The following GRIN2A variants were observed in gnomAD, a reference collection of about 807,000 sequenced individuals.
GRIN2A encodes the protein glutamate ionotropic receptor NMDA type subunit 2A, also known as glutamate receptor ionotropic, NMDA 2A.
Under a neutral mutation model 113.4 loss-of-function variants are expected in GRIN2A, and 22 were observed. That is an observed-to-expected ratio of 0.19 (90% CI 0.14 to 0.28). The LOEUF (loss-of-function observed/expected upper bound fraction) is 0.28. Ranked by LOEUF, GRIN2A falls within the 10% of genes least tolerant of loss-of-function variation. The pLI, the probability that GRIN2A is intolerant of heterozygous loss-of-function variation, is 1.00. For missense variants in GRIN2A, 1,502 were observed against 1,887.0 expected (o/e 0.80, Z 3.78); for synonymous variants, 827 against 738.4 (o/e 1.12, Z -1.94).
rs189240141 is a variant in GRIN2A at position 9,870,635 on chromosome 16, T to C, written c.1122+20351A>G. Among the ~76,000 whole-genome samples, 489 of 151,106 alleles carry C rather than the reference T, an allele frequency of 3.2e-3. 2 individuals carry two copies. Among genetic ancestry groups the C allele is most frequent in the African/African-American group, 0.011 (459 of 40,858 alleles). ...CTTCAAGTAACTTTTTTTCTTTTTT[T>C]TTTTTTTTTCTTTTTTTGTAGAGAT... is the stretch of plus-strand genomic sequence containing the variant. On this transcript the variant is annotated intron_variant, in intron 4 of 12. Coordinates refer to ENST00000330684, the MANE Select transcript of GRIN2A (RefSeq NM_001134407.3).
At chr16:9,890,855 G>A (rs775512715) in intron 4 of GRIN2A, 131 bp downstream of exon 4, 14 of 693,414 alleles carry the variant, frequency 2.0e-5, no homozygotes, top group African/African-American at 3.5e-5. Flanking sequence ...CAAGAAAGAC[G>A]TGCTCTTGGC....
In GRIN2A at chr16:9,784,716, T is replaced by A. The variant is rs536411167; in HGVS notation, c.2356+13561A>T. On this transcript the variant is annotated intron_variant, in intron 11 of 12. Coordinates refer to ENST00000330684, the MANE Select transcript of GRIN2A (RefSeq NM_001134407.3). The stretch of plus-strand genomic sequence containing the variant: ...TCTGACAAAGGGCTAATATCCAGAA[T>A]CTACAATGAACTCAAACAAATTTAC... Among the ~76,000 whole-genome samples, 45 of 152,144 alleles carry A rather than the reference T, an allele frequency of 3.0e-4. 1 individual carries two copies. The highest frequency in any genetic ancestry group is 2.1e-3 in the South Asian group (10 of 4,826).
intron 10 of GRIN2A, among the ~76,000 whole-genome samples, chr16:9,807,632 A>T (rs2042008891): frequency 6.6e-6 from 1 of 152,124 alleles, no homozygotes; most frequent in Non-Finnish European, 1.5e-5. Flanking sequence ...GACAGTATGT[A>T]ATCCAGTCTC....
At chr16:9,874,980 T>C (rs542763100) in intron 4 of GRIN2A, among the ~76,000 whole-genome samples, 54 of 151,694 alleles carry the variant, frequency 3.6e-4, no homozygotes, top group African/African-American at 1.2e-3. Flanking sequence ...CCCAGCTACT[T>C]GAGGGGCAGA....
At chr16:9,775,694 G>A (rs1359036254) in intron 11 of GRIN2A, among the ~76,000 whole-genome samples, 1 of 152,226 alleles carries the variant, frequency 6.6e-6, no homozygotes, top group Non-Finnish European at 1.5e-5. Flanking sequence ...ATTCTAACAA[G>A]TCTGGGGTAC....
chr16:9,997,712 G>A (rs1402628095), intron 2 of GRIN2A, among the ~76,000 whole-genome samples: 3 of 152,146 alleles, frequency 2.0e-5, no homozygotes, highest in Non-Finnish European at 4.4e-5. Context: ...CACATGTCAT[G>A]GGAGGGACCC....
At chr16:10,027,371 C>T (rs535727305) in intron 2 of GRIN2A, among the ~76,000 whole-genome samples, 5 of 152,184 alleles carry the variant, frequency 3.3e-5, no homozygotes, top group African/African-American at 1.2e-4. Context: ...TAGTGAATGT[C>T]CCCCCCTGCC....
At chr16:9,935,124 C>G (rs896623662) in intron 3 of GRIN2A, among the ~76,000 whole-genome samples, 10 of 152,282 alleles carry the variant, frequency 6.6e-5, no homozygotes, top group African/African-American at 1.4e-4. Context: ...GCCAATTATC[C>G]TTCTAGAATT....
At chr16:9,824,274 C>A (rs1368025557) in intron 9 of GRIN2A, among the ~76,000 whole-genome samples, 1 of 152,170 alleles carries the variant, frequency 6.6e-6, no homozygotes, top group African/African-American at 2.4e-5. Context: ...ATGCTTTTTG[C>A]AGTCACTCCA....
chr16:10,053,833 G>A (rs953545003), intron 2 of GRIN2A, among the ~76,000 whole-genome samples: 3 of 151,972 alleles, frequency 2.0e-5, no homozygotes, highest in Non-Finnish European at 4.4e-5. Context: ...ATTTGAATAT[G>A]GAATGACAAT....
At chr16:10,039,791 G>GGAGGGGGAGAGGGAGA (rs1567253843) in intron 2 of GRIN2A, among the ~76,000 whole-genome samples, 3 of 102,576 alleles carry the variant, frequency 2.9e-5, no homozygotes, top group African/African-American at 1.2e-4. Flanking sequence ...GGAGGGGGAG[G>GGAGGGGGAGAGGGAGA]GGGAGGGGGA....
At chr16:9,915,610 T>C (rs1427542128) in intron 3 of GRIN2A, among the ~76,000 whole-genome samples, 1 of 152,186 alleles carries the variant, frequency 6.6e-6, no homozygotes, top group African/African-American at 2.4e-5. Flanking sequence ...CAACTCACAG[T>C]TGCTCTGTCC....
intron 2 of GRIN2A, among the ~76,000 whole-genome samples, chr16:10,028,951 T>G (rs1301617731): frequency 6.6e-6 from 1 of 152,208 alleles, no homozygotes. Context: ...GCAGGAATTA[T>G]TTGTTATTAT....
chr16:9,909,448 T>G (rs1401562547), intron 3 of GRIN2A, among the ~76,000 whole-genome samples: 1 of 152,252 alleles, frequency 6.6e-6, no homozygotes, highest in African/African-American at 2.4e-5. Context: ...ACATCCAGTA[T>G]GGCAGCCACT....
chr16:9,839,815 C>T (rs2042642156), intron 7 of GRIN2A, among the ~76,000 whole-genome samples: 1 of 152,032 alleles, frequency 6.6e-6, no homozygotes, highest in African/African-American at 2.4e-5. Context: ...AAGTTTAAGA[C>T]AAATGAAAGA....
intron 2 of GRIN2A, among the ~76,000 whole-genome samples, chr16:10,000,319 G>A (rs962213344): frequency 5.9e-5 from 9 of 151,942 alleles, no homozygotes; most frequent in South Asian, 2.1e-4. Flanking sequence ...TAACCACTGC[G>A]GCTATTTCTA....
In GRIN2A at chr16:9,764,255, C is replaced by T. The variant is rs2141133824; in HGVS notation, c.3289G>A (p.Asp1097Asn). ...TAGGTGCGCTCGACCTCACTACAGT[C>T]CTTGGGGTATTTGGAGGCCACTGAC... ...KRSVASKYPK[D>N]CSEVERTYLK... The change falls in exon 13 of 13, where the codon GAC (aspartate) becomes AAC (asparagine). Residue 1097 changes from aspartate (D) to asparagine (N), a missense_variant. This residue lies in a region of GRIN2A where 832 missense variants were observed against 789.7 expected (regional missense o/e 1.05). Transcript: ENST00000330684. 1 of 1,613,938 alleles carries T rather than the reference C, an allele frequency of 6.2e-7. No individual in the cohort carries two copies. The highest frequency in any genetic ancestry group is 1.1e-5 in the South Asian group (1 of 91,068).
chr16:9,881,026 G>T (rs1178954789), intron 4 of GRIN2A, among the ~76,000 whole-genome samples: 1 of 152,106 alleles, frequency 6.6e-6, no homozygotes, highest in Non-Finnish European at 1.5e-5. Flanking sequence ...GAGTGCTCAG[G>T]AAATTTTCTT....
intron 2 of GRIN2A, among the ~76,000 whole-genome samples, chr16:9,973,989 G>A (rs2045726305): frequency 6.6e-6 from 1 of 152,194 alleles, no homozygotes; most frequent in African/African-American, 2.4e-5. Flanking sequence ...TTAATGAAGA[G>A]CATTAGAAGC....
Sources: gnomAD v4.1 joint callset for allele counts (sites outside exome capture counted in the v4.1 genomes callset) on GRCh38, gnomAD v4.1.1 for gene constraint, gnomAD v4.1.1 regional missense constraint, MANE v1.5 for transcripts, NCBI Gene and HGNC (gene_info 2026-07-23, HGNC 2026-07-21) for gene names.